Variants in GALNT17 observed in about 807,000 individuals in gnomAD.
The protein encoded by GALNT17 is polypeptide N-acetylgalactosaminyltransferase 17, also known as UDP-GalNAc:polypeptide N-acetylgalactosaminyltransferase-like 3.
A neutral mutation model predicts 63.7 loss-of-function variants in GALNT17; 29 were observed. That is an observed-to-expected ratio of 0.46 (90% CI 0.34 to 0.62). The LOEUF (loss-of-function observed/expected upper bound fraction) is 0.62. Ranked by LOEUF, GALNT17 falls within the 20% of genes least tolerant of loss-of-function variation. GALNT17 has a pLI of 0.01. For synonymous variants in GALNT17, 305 were observed against 318.3 expected, an observed-to-expected ratio of 0.96 and a Z score of 0.45; for missense variants, 603 against 799.6, an observed-to-expected ratio of 0.75 and a Z score of 2.97.
intron 5 of GALNT17, among the ~76,000 whole-genome samples, chr7:71,503,759 CT>C (rs1563140923): frequency 6.6e-6 from 1 of 152,094 alleles, no homozygotes; most frequent in African/African-American, 2.4e-5. Flanking sequence ...CTTCCTGGAG[CT>C]TTTATTCTAG....
chr7:71,280,766 G>A (rs1790765875), intron 1 of GALNT17, among the ~76,000 whole-genome samples: 2 of 152,130 alleles, frequency 1.3e-5, no homozygotes, highest in South Asian at 4.1e-4. Flanking sequence ...CCTTAGAGAT[G>A]TCCTAGGAAA....
rs10440952 is a variant in GALNT17, at chr7:71,461,672, T to C, written c.962+40567T>C. Among the ~76,000 whole-genome samples, 469 of 152,260 alleles carry C rather than the reference T, an allele frequency of 3.1e-3. 1 individual carries two copies. The highest frequency in any genetic ancestry group is 0.011 in the African/African-American group (445 of 41,564). ...CAGAAATGAGACCTCCATTAACATA[T>C]CCGCAGGGGAGGAATGAGGCAGTCC... On this transcript the variant is annotated intron_variant, in intron 5 of 10. Coordinates refer to ENST00000333538, the MANE Select transcript of GALNT17 (RefSeq NM_022479.3).
chr7:71,205,313 C>G (rs748634695), intron 1 of GALNT17, among the ~76,000 whole-genome samples: 12 of 151,820 alleles, frequency 7.9e-5, no homozygotes, highest in Non-Finnish European at 1.8e-4. Context: ...ACCACCATAC[C>G]CAGCTAATTT....
intron 6 of GALNT17, among the ~76,000 whole-genome samples, chr7:71,637,560 A>C (rs1790545769): frequency 6.6e-6 from 1 of 151,768 alleles, no homozygotes; most frequent in Non-Finnish European, 1.5e-5. Context: ...GAGTAAGTGA[A>C]TGAGAGAACC....
chr7:71,401,203 T>TC (rs1793233715), intron 3 of GALNT17, among the ~76,000 whole-genome samples: 1 of 151,776 alleles, frequency 6.6e-6, no homozygotes, highest in South Asian at 2.1e-4. Context: ...TTCAAGCGAT[T>TC]CTCCTGCCTC....
At chr7:71,300,091 T>C (rs890649637) in intron 1 of GALNT17, among the ~76,000 whole-genome samples, 2 of 152,148 alleles carry the variant, frequency 1.3e-5, no homozygotes, top group South Asian at 2.1e-4. Context: ...GAGGGAATGT[T>C]TCAACCTCAT....
At chr7:71,214,680 C>A (rs1789442992) in intron 1 of GALNT17, among the ~76,000 whole-genome samples, 1 of 151,140 alleles carries the variant, frequency 6.6e-6, no homozygotes, top group Non-Finnish European at 1.5e-5. Flanking sequence ...TGGGTTCAAG[C>A]AATTCTCCTG....
In GALNT17 at chr7:71,484,797, A is replaced by ATTTTTTTTT. The variant is rs386410414; in HGVS notation, c.962+63704_962+63712dup. On this transcript the variant is annotated intron_variant, in intron 5 of 10. Transcript: ENST00000333538. Reference sequence around the variant, plus strand: ...GATACACTGGGAACCCAGCATCAGGATTTTTTTTTTTTTTTTTTTTGACAG... The same window carrying ATTTTTTTTT: ...GATACACTGGGAACCCAGCATCAGGATTTTTTTTTTTTTTTTTTTTTTTTTTTTTGACAG... 2.8e-5 allele frequency among the ~76,000 whole-genome samples: 3 copies of ATTTTTTTTT among 107,362 alleles called. 1 individual carries two copies. Among genetic ancestry groups the ATTTTTTTTT allele is most frequent in the Non-Finnish European group, 3.5e-5 (2 of 57,346 alleles). The allele number at this position is 107,362 out of a possible 152,430, so 70.4% of individuals were successfully genotyped here.
chr7:71,161,087 A>G (rs1260765923), intron 1 of GALNT17, among the ~76,000 whole-genome samples: 3 of 152,120 alleles, frequency 2.0e-5, no homozygotes, highest in Non-Finnish European at 4.4e-5. Flanking sequence ...GTGCTCCCCA[A>G]GCATTGGGAT....
intron 3 of GALNT17, among the ~76,000 whole-genome samples, chr7:71,411,689 C>T (rs1456663842): frequency 6.6e-6 from 1 of 152,142 alleles, no homozygotes; most frequent in Non-Finnish European, 1.5e-5. Context: ...TTGTATTGAC[C>T]CTGCCCCTGC....
chr7:71,358,455 C>A (rs763116760), intron 2 of GALNT17, among the ~76,000 whole-genome samples: 41 of 152,256 alleles, frequency 2.7e-4, no homozygotes, highest in Non-Finnish European at 4.3e-4. Flanking sequence ...TACCAGAGCT[C>A]GTTTTCCATA....
intron 5 of GALNT17, among the ~76,000 whole-genome samples, chr7:71,467,723 T>G (rs1361345881): frequency 6.6e-6 from 1 of 151,826 alleles, no homozygotes; most frequent in Non-Finnish European, 1.5e-5. Context: ...CTGAGACTTA[T>G]GCATGGAGTT....
At chr7:71,299,591 A>G (rs1480400788) in intron 1 of GALNT17, among the ~76,000 whole-genome samples, 3 of 152,060 alleles carry the variant, frequency 2.0e-5, no homozygotes, top group African/African-American at 7.2e-5. Context: ...TCCTGAGAAC[A>G]CAGTCCTGGC....
At chr7:71,317,430 C>T (rs1791520154) in intron 1 of GALNT17, among the ~76,000 whole-genome samples, 1 of 152,180 alleles carries the variant, frequency 6.6e-6, no homozygotes, top group African/African-American at 2.4e-5. Flanking sequence ...TGATTAGAAA[C>T]TCAAAGGCTG....
At chr7:71,392,940 A>T (rs1793076200) in intron 3 of GALNT17, among the ~76,000 whole-genome samples, 1 of 152,220 alleles carries the variant, frequency 6.6e-6, no homozygotes, top group Admixed American at 6.5e-5. Context: ...ACGTCTATTT[A>T]AAAAGACCCC....
chr7:71,578,344 T>TTATATATA (rs1453296200), intron 6 of GALNT17, among the ~76,000 whole-genome samples: 1 of 151,984 alleles, frequency 6.6e-6, no homozygotes, highest in Non-Finnish European at 1.5e-5. Flanking sequence ...CCTACAATTT[T>TTATATATA]TATATATATA....
intron 1 of GALNT17, among the ~76,000 whole-genome samples, chr7:71,323,220 C>A (rs1234555452): frequency 1.3e-5 from 2 of 151,900 alleles, no homozygotes; most frequent in Admixed American, 6.6e-5. Context: ...ACAAAGGTAC[C>A]CATTTTTGAA....
intron 1 of GALNT17, among the ~76,000 whole-genome samples, chr7:71,200,900 ATAAT>A (rs1789153316): frequency 6.6e-6 from 1 of 152,078 alleles, no homozygotes; most frequent in Non-Finnish European, 1.5e-5. Context: ...CTTCTTTAAA[ATAAT>A]TACTTACGTA....
At chr7:71,669,878 A>T in intron 7 of GALNT17, 94 bp from the exon 8 acceptor site, 1 of 1,506,230 alleles carries the variant, frequency 6.6e-7, no homozygotes, top group Non-Finnish European at 9.0e-7. Flanking sequence ...AAGATCTTCT[A>T]TGTGAAGGTT....
Sources: allele counts gnomAD v4.1 joint callset (sites outside exome capture counted in the v4.1 genomes callset), GRCh38; gene constraint gnomAD v4.1.1; transcripts MANE v1.5; gene names NCBI Gene and HGNC (gene_info 2026-07-23, HGNC 2026-07-21).